Variants in C11orf16 observed in about 807,000 individuals in gnomAD.
C11orf16 encodes uncharacterized protein C11orf16.
C11orf16 carries 38 observed loss-of-function variants against 45.1 expected under a neutral mutation model. The observed-to-expected ratio is 0.84, with a 90% CI of 0.65 to 1.10. C11orf16 has a LOEUF of 1.10. C11orf16 is among the 50% of genes least tolerant of loss of function. C11orf16 has a pLI of 0.00. For synonymous variants in C11orf16, 221 were observed against 222.0 expected, an observed-to-expected ratio of 1.00 and a Z score of 0.04; for missense variants, 583 against 569.5, an observed-to-expected ratio of 1.02 and a Z score of -0.24.
Position 8,926,086 on chromosome 11 carries a change from G to A in C11orf16, c.581C>T (p.Thr194Ile), listed in dbSNP as rs1182761271. The change falls in exon 5 of 7, where the codon ACT (threonine) becomes ATT (isoleucine). Residue 194 changes from threonine (T) to isoleucine (I), a missense_variant. Coordinates refer to ENST00000326053, the MANE Select transcript of C11orf16 (RefSeq NM_020643.3). ...PQRASKEKEI[T>I]VHFWNGKAAK... is the part of the protein sequence containing the mutation. ...AGCTTTGCCATTCCAGAAATGAACA[G>A]TGATTTCTTTTTCCTTTGATGCTAC... 1.2e-6 allele frequency: 2 copies of A among 1,600,508 alleles called. No homozygotes were observed. The highest frequency in any genetic ancestry group is 2.7e-5 in the African/African-American group (2 of 74,462).
At position 8,925,932 on chromosome 11, in the gene C11orf16, C is replaced by G; in HGVS notation, c.735G>C (p.Leu245=). Residue 245 remains leucine (L), a synonymous_variant, in exon 5 of 7, where the codon CTG becomes CTC. Transcript: ENST00000326053. ...TGATGCGCCCAGTGATTGGCCCTAG[C>G]AGAGAGCAGCAAGGGGCCCAGTGAA... ...RPLHWAPCCS[L]LGPITGRITN... 6.2e-7 allele frequency: 1 copy of G among 1,614,156 alleles called. No homozygotes were observed. Among genetic ancestry groups the G allele is most frequent in the Non-Finnish European group, 8.5e-7 (1 of 1,180,034 alleles).
chr11:8,921,930 T>C lies in C11orf16; in HGVS notation c.1205-415A>G, dbSNP rs941844702. 5.3e-5 allele frequency among the ~76,000 whole-genome samples: 8 copies of C among 152,364 alleles called. No individual in the cohort carries two copies. The South Asian group carries it at 8.3e-4, about 16-fold the overall frequency. Reference sequence around the variant, plus strand: ...TGTTGCAGTTACAGGTATAAGCCACTACACCTGGCCTGTTTTCTTTTGCCA... The same window carrying C: ...TGTTGCAGTTACAGGTATAAGCCACCACACCTGGCCTGTTTTCTTTTGCCA... On this transcript the variant is annotated intron_variant, in intron 5 of 6. Coordinates refer to ENST00000326053, the MANE Select transcript of C11orf16 (RefSeq NM_020643.3).
At chr11:8,926,155 C>T (rs376321662) in intron 4 of C11orf16, 48 bp from the exon 5 acceptor site, 4 of 1,388,202 alleles carry the variant, frequency 2.9e-6, no homozygotes, top group South Asian at 3.0e-5. Context: ...CCAATTATCT[C>T]CTTTTTTTTC....
intron 5 of C11orf16, among the ~76,000 whole-genome samples, chr11:8,922,147 G>A (rs942550811): frequency 9.9e-5 from 15 of 152,186 alleles, no homozygotes; most frequent in Non-Finnish European, 1.9e-4. Context: ...AAGGAGCTTC[G>A]ACACCTTCAC....
intron 2 of C11orf16, among the ~76,000 whole-genome samples, chr11:8,930,850 C>G (rs2064645078): frequency 6.6e-6 from 1 of 152,138 alleles, no homozygotes; most frequent in African/African-American, 2.4e-5. Flanking sequence ...CCCTCAGCCC[C>G]CCTCAGCCTC....
At chr11:8,926,180 C>CTTT (rs2064611553) in intron 4 of C11orf16, 73 bp from the exon 5 acceptor site, 26 of 987,792 alleles carry the variant, frequency 2.6e-5, no homozygotes, top group South Asian at 1.8e-4. Flanking sequence ...TTCTTTTTTT[C>CTTT]TTTTCTTTTT....
intron 2 of C11orf16, among the ~76,000 whole-genome samples, chr11:8,931,691 A>AT (rs1455347913): frequency 4.0e-5 from 6 of 151,808 alleles, no homozygotes; most frequent in African/African-American, 1.5e-4. Flanking sequence ...TGCCCAGCCA[A>AT]TTTTTTGTGT....
At chr11:8,921,599 A>G in intron 5 of C11orf16, 84 bp from the exon 6 acceptor site, 1 of 1,193,994 alleles carries the variant, frequency 8.4e-7, no homozygotes, top group Non-Finnish European at 1.2e-6. Context: ...TCACTGAAGT[A>G]TCTGTAAGCT....
chr11:8,924,378 T>C (rs1371664742), intron 5 of C11orf16, among the ~76,000 whole-genome samples: 2 of 151,962 alleles, frequency 1.3e-5, no homozygotes, highest in Non-Finnish European at 2.9e-5. Flanking sequence ...TACAAAAAGT[T>C]AGCCAGGCAT....
chr11:8,927,002 C>T lies in C11orf16; in HGVS notation c.497G>A (p.Gly166Asp), dbSNP rs1424613532. 2 of 1,613,974 alleles carry T rather than the reference C, an allele frequency of 1.2e-6. No individual in the cohort carries two copies. The highest frequency in any genetic ancestry group is 1.7e-6 in the Non-Finnish European group (2 of 1,180,024). Residue 166 changes from glycine to aspartate, a missense_variant, in exon 4 of 7, where the codon GGC (glycine) becomes GAC (aspartate). By Grantham distance (94) the Gly-to-Asp change is moderately conservative. Coordinates refer to ENST00000326053, the MANE Select transcript of C11orf16 (RefSeq NM_020643.3). ...AGTGCCAGGGCCATACTGCTGTTGG[C>T]CTGGCTCCCAGAGTGCCAGCACCTT... ...GDKVLALWEP[G>D]QQQYGPGTVL...
At chr11:8,930,026 A>T (rs1483370812) in intron 2 of C11orf16, among the ~76,000 whole-genome samples, 1 of 152,052 alleles carries the variant, frequency 6.6e-6, no homozygotes, top group Non-Finnish European at 1.5e-5. Flanking sequence ...AGGCTGAGAT[A>T]GGAGGATTGC....
chr11:8,926,420 G>A (rs751047680), intron 4 of C11orf16, among the ~76,000 whole-genome samples: 15 of 151,982 alleles, frequency 9.9e-5, no homozygotes, highest in Non-Finnish European at 1.8e-4. Context: ...GCACCTCTCC[G>A]TGGAGAGCCT....
At chr11:8,930,216 C>T (rs2064641033) in intron 2 of C11orf16, among the ~76,000 whole-genome samples, 1 of 151,882 alleles carries the variant, frequency 6.6e-6, no homozygotes, top group South Asian at 2.1e-4. Context: ...ATCACGAGGT[C>T]AAGAGATCGA....
chr11:8,932,871 G>A (rs1034522642), intron 1 of C11orf16, 30 bp downstream of exon 1: 1 of 152,746 alleles, frequency 6.5e-6, no homozygotes, highest in Non-Finnish European at 1.5e-5. Flanking sequence ...CCCTGCCCAA[G>A]TCCACAGGTC....
At chr11:8,926,316 C>T (rs574478315) in intron 4 of C11orf16, among the ~76,000 whole-genome samples, 5 of 151,438 alleles carry the variant, frequency 3.3e-5, no homozygotes, top group Admixed American at 6.6e-5. Flanking sequence ...GTAGCTTCCA[C>T]GTCCTAATCA....
At chr11:8,923,867 G>A (rs995268704) in intron 5 of C11orf16, among the ~76,000 whole-genome samples, 1 of 25,920 alleles carries the variant, frequency 3.9e-5, no homozygotes, top group Admixed American at 3.3e-4. Flanking sequence ...CCCACCCCCC[G>A]GCCTCCCAAA....
chr11:8,927,289 G>A, intron 3 of C11orf16, 115 bp from the exon 4 acceptor site: 1 of 735,738 alleles, frequency 1.4e-6, no homozygotes, highest in South Asian at 1.8e-5. Context: ...TCCAAACAGT[G>A]ACAGGCACCT....
chr11:8,924,100 G>A (rs2134832101), intron 5 of C11orf16, among the ~76,000 whole-genome samples: 1 of 152,174 alleles, frequency 6.6e-6, no homozygotes, highest in Middle Eastern at 3.4e-3. Flanking sequence ...AAGTGCAGCA[G>A]ACACACTCCT....
chr11:8,925,961 G>A lies in C11orf16; in HGVS notation c.706C>T (p.Pro236Ser), dbSNP rs1340700228. ...HKSFTREHPRPLHWAPCCSLL... is the reference protein window; with the variant it reads ...HKSFTREHPRSLHWAPCCSLL... ...GAGCAGCAAGGGGCCCAGTGAAGGG[G>A]CCTGGGGTGCTCCCTGGTGAAAGAC... The change falls in exon 5 of 7, where the codon CCC (proline) becomes TCC (serine). Residue 236 changes from proline to serine, a missense_variant. By Grantham distance (74) the Pro-to-Ser change is moderately conservative. Coordinates refer to ENST00000326053, the MANE Select transcript of C11orf16 (RefSeq NM_020643.3). The A allele has an allele frequency of 1.2e-6, 2 of 1,613,992 alleles. No individual in the cohort carries two copies. The highest frequency in any genetic ancestry group is 2.7e-5 in the African/African-American group (2 of 74,924).
Sources: gnomAD v4.1 joint callset for allele counts (sites outside exome capture counted in the v4.1 genomes callset) on GRCh38, gnomAD v4.1.1 for gene constraint, MANE v1.5 for transcripts, NCBI Gene and HGNC (gene_info 2026-07-23, HGNC 2026-07-21) for gene names.